The following UQCC1 variants were observed in gnomAD, a reference collection of about 807,000 sequenced individuals.
UQCC1 encodes bFGF-repressed Zic-binding protein.
UQCC1 carries 38 observed loss-of-function variants against 48.0 expected under a neutral mutation model. The observed-to-expected ratio is 0.79, with a 90% confidence interval of 0.61 to 1.04. The LOEUF (loss-of-function observed/expected upper bound fraction) is 1.04. Ranked by LOEUF, UQCC1 falls within the 50% of genes least tolerant of loss-of-function variation. The pLI, the probability that UQCC1 is intolerant of heterozygous loss-of-function variation, is 0.00. For missense variants in UQCC1, 368 were observed against 381.8 expected, an observed-to-expected ratio of 0.96 and a Z score of 0.30; for synonymous variants, 111 against 129.2, an observed-to-expected ratio of 0.86 and a Z score of 0.95.
intron 8 of UQCC1, among the ~76,000 whole-genome samples, chr20:35,313,859 C>T (rs565630702): frequency 2.0e-5 from 3 of 152,184 alleles, no homozygotes; most frequent in East Asian, 1.9e-4. Flanking sequence ...CCACCCACCT[C>T]GGCCTCCCAA....
intron 1 of UQCC1, among the ~76,000 whole-genome samples, chr20:35,406,083 A>G (rs1298673149): frequency 6.6e-6 from 1 of 152,138 alleles, no homozygotes; most frequent in Non-Finnish European, 1.5e-5. Flanking sequence ...AAAAGCAAAA[A>G]CAAAAAAAGA....
chr20:35,303,969 G>A lies in UQCC1; in HGVS notation c.866C>T (p.Pro289Leu), dbSNP rs780310337. 3 of 1,614,182 alleles carry A rather than the reference G, an allele frequency of 1.9e-6. No homozygotes were observed. The South Asian group carries it at 3.3e-5, about 18-fold the overall frequency. The change falls in exon 10 of 10, where the codon CCC (proline) becomes CTC (leucine). Residue 289 changes from proline (P) to leucine (L), a missense_variant. Transcript: ENST00000374385. ...VEKNPQSILK[P>L]HSPTYNDEGL is the part of the protein sequence containing the mutation. The stretch of plus-strand genomic sequence containing the variant: ...CTCGTCGTTGTAAGTCGGAGAATGG[G>A]GCTTCAGGATGCTCTGAGGATTCTT...
chr20:35,341,883 A>G (rs914021943), intron 7 of UQCC1, among the ~76,000 whole-genome samples: 1 of 152,198 alleles, frequency 6.6e-6, no homozygotes, highest in Non-Finnish European at 1.5e-5. Context: ...AGTGCTTACT[A>G]AGTGCCAGGC....
chr20:35,336,710 T>C (rs980733254), intron 7 of UQCC1, among the ~76,000 whole-genome samples: 8 of 152,190 alleles, frequency 5.3e-5, no homozygotes, highest in African/African-American at 1.9e-4. Context: ...AAGTTTGTGG[T>C]AATCTGCTGT....
chr20:35,371,054 C>T (rs1423292165), intron 5 of UQCC1, among the ~76,000 whole-genome samples: 1 of 152,166 alleles, frequency 6.6e-6, no homozygotes, highest in Non-Finnish European at 1.5e-5. Context: ...AAATATAAAA[C>T]CATACTATAT....
chr20:35,342,189 C>T (rs768262519), intron 7 of UQCC1, among the ~76,000 whole-genome samples: 4 of 152,124 alleles, frequency 2.6e-5, no homozygotes, highest in Non-Finnish European at 5.9e-5. Context: ...TGCCAGGGAC[C>T]GCTGATAAGG....
At chr20:35,382,331 G>C (rs998108593) in intron 3 of UQCC1, among the ~76,000 whole-genome samples, 1 of 151,474 alleles carries the variant, frequency 6.6e-6, no homozygotes, top group Admixed American at 6.6e-5. Flanking sequence ...GGAGAGGGGG[G>C]GTCCATAGCC....
At chr20:35,367,092 T>A (rs1182693905) in intron 5 of UQCC1, among the ~76,000 whole-genome samples, 33 of 101,758 alleles carry the variant, frequency 3.2e-4, no homozygotes, top group South Asian at 6.4e-4. Context: ...AGACTCTGTC[T>A]AAAAAAAAAA....
At chr20:35,372,398 C>T (rs1600967942) in intron 5 of UQCC1, among the ~76,000 whole-genome samples, 2 of 151,888 alleles carry the variant, frequency 1.3e-5, no homozygotes. Context: ...TTTGGACTAA[C>T]TTATCCTAGA....
intron 5 of UQCC1, among the ~76,000 whole-genome samples, chr20:35,369,240 G>A (rs1055536094): frequency 2.0e-5 from 3 of 152,154 alleles, no homozygotes; most frequent in Admixed American, 1.3e-4. Flanking sequence ...GAAAAGTGCT[G>A]GCATATGATT....
intron 7 of UQCC1, among the ~76,000 whole-genome samples, chr20:35,328,269 T>G (rs2061219080): frequency 6.6e-6 from 1 of 152,218 alleles, no homozygotes; most frequent in Non-Finnish European, 1.5e-5. Context: ...CCAACAGCCC[T>G]GTTTCCCCAC....
intron 5 of UQCC1, among the ~76,000 whole-genome samples, chr20:35,373,910 T>C (rs1278236516): frequency 6.6e-6 from 1 of 152,182 alleles, no homozygotes; most frequent in Non-Finnish European, 1.5e-5. Context: ...TGCCATGTGC[T>C]TTTAGTCCCA....
intron 1 of UQCC1, among the ~76,000 whole-genome samples, chr20:35,409,835 T>G (rs759012013): frequency 6.6e-6 from 1 of 151,990 alleles, no homozygotes; most frequent in East Asian, 1.9e-4. Flanking sequence ...AGACAGAGTT[T>G]CACTCTTTCA....
intron 6 of UQCC1, among the ~76,000 whole-genome samples, chr20:35,356,655 C>CA (rs112363510): frequency 5.9e-4 from 90 of 152,300 alleles, no homozygotes; most frequent in African/African-American, 2.0e-3. Context: ...CCCAATGATA[C>CA]AAACCTAGTA....
intron 7 of UQCC1, among the ~76,000 whole-genome samples, chr20:35,343,026 T>C (rs1432521672): frequency 1.3e-5 from 2 of 152,196 alleles, no homozygotes; most frequent in Non-Finnish European, 2.9e-5. Context: ...AATTTATTAT[T>C]CATCACTAAC....
chr20:35,371,344 G>GTTT (rs397721939), intron 5 of UQCC1, among the ~76,000 whole-genome samples: 7 of 144,998 alleles, frequency 4.8e-5, no homozygotes, highest in African/African-American at 1.5e-4. Flanking sequence ...GGTTTTTTTT[G>GTTT]TTTTTTTTTT....
chr20:35,312,188 C>T (rs904659547), intron 8 of UQCC1, among the ~76,000 whole-genome samples: 3 of 152,166 alleles, frequency 2.0e-5, no homozygotes, highest in Non-Finnish European at 4.4e-5. Flanking sequence ...TCTACAATTA[C>T]AATTCGTCCA....
intron 6 of UQCC1, among the ~76,000 whole-genome samples, chr20:35,358,406 A>G (rs2146418581): frequency 7.7e-6 from 1 of 130,414 alleles, no homozygotes; most frequent in South Asian, 2.5e-4. Context: ...GCCAATCTGT[A>G]TCCAGGAAAC....
At chr20:35,354,926 A>G (rs1279154476) in intron 6 of UQCC1, among the ~76,000 whole-genome samples, 3 of 152,210 alleles carry the variant, frequency 2.0e-5, no homozygotes, top group Admixed American at 2.0e-4. Flanking sequence ...AAACATCACT[A>G]AACTTCTAAA....
Sources: gnomAD v4.1 joint callset for allele counts (sites outside exome capture counted in the v4.1 genomes callset) on GRCh38, gnomAD v4.1.1 for gene constraint, MANE v1.5 for transcripts, NCBI Gene and HGNC (gene_info 2026-07-23, HGNC 2026-07-21) for gene names.